PTH2R: variants seen among roughly 807,000 people sequenced by gnomAD.
PTH2R encodes the protein parathyroid hormone 2 receptor, also known as PTH2 receptor.
In PTH2R, 59 loss-of-function variants were observed where a neutral mutation model predicts 60.3. The observed-to-expected ratio is 0.98, with a 90% CI of 0.79 to 1.22. PTH2R has a LOEUF of 1.22. Among genes scored for constraint, PTH2R ranks in the 50% most tolerant of loss-of-function variants. The probability of loss-of-function intolerance (pLI) is 0.00; values close to 1 mark genes in which losing one functional copy is unlikely to be tolerated. For synonymous variants in PTH2R, 256 were observed against 243.8 expected (o/e 1.05, Z -0.47); for missense variants, 749 against 682.6 (o/e 1.10, Z -1.08).
chr2:208,488,798 G>C (rs1390302728), intron 10 of PTH2R, among the ~76,000 whole-genome samples: 1 of 152,176 alleles, frequency 6.6e-6, no homozygotes, highest in Non-Finnish European at 1.5e-5. Flanking sequence ...GATTGCTTGA[G>C]CTCAGGAGGT....
intron 1 of PTH2R, among the ~76,000 whole-genome samples, chr2:208,388,686 A>G (rs1440749531): frequency 2.6e-5 from 4 of 152,348 alleles, no homozygotes; most frequent in African/African-American, 9.6e-5. Flanking sequence ...GATAAGAATC[A>G]CTGTAAGGTT....
At chr2:208,401,400 A>G (rs979714715) in intron 1 of PTH2R, among the ~76,000 whole-genome samples, 6 of 151,694 alleles carry the variant, frequency 4.0e-5, no homozygotes, top group Admixed American at 2.6e-4. Context: ...TCCCACTACT[A>G]TCAACACTAG....
At chr2:208,451,864 C>T (rs528080759) in intron 8 of PTH2R, among the ~76,000 whole-genome samples, 1 of 152,042 alleles carries the variant, frequency 6.6e-6, no homozygotes, top group Non-Finnish European at 1.5e-5. Flanking sequence ...TCATGGTACA[C>T]CTAATACATT....
At position 208,437,741 on chromosome 2, in the gene PTH2R, A is replaced by G. The variant is rs774671697; in HGVS notation, c.290-19A>G. 11 of 1,608,434 alleles carry G rather than the reference A, an allele frequency of 6.8e-6. No homozygotes were observed. The highest frequency in any genetic ancestry group is 1.7e-4 in the Middle Eastern group (1 of 6,056). On this transcript the variant is annotated intron_variant, in intron 3 of 12. Transcript: ENST00000272847. ...TCTAAGGGAACTGAGCGATCTCAGCATCTTTCATGTCTTTACAGGAGTTGC... is the reference window on the plus strand; with the variant it reads ...TCTAAGGGAACTGAGCGATCTCAGCGTCTTTCATGTCTTTACAGGAGTTGC...
At chr2:208,465,388 CTTTTTTTTTTTTT>C (rs60871321) in intron 9 of PTH2R, among the ~76,000 whole-genome samples, 13 of 39,932 alleles carry the variant, frequency 3.3e-4, no homozygotes, top group Admixed American at 1.4e-3. Flanking sequence ...ATTTGTAAGT[CTTTTTTTTTTTTT>C]TTTTTTTTTT....
At chr2:208,480,755 T>C (rs1300913318) in intron 9 of PTH2R, among the ~76,000 whole-genome samples, 1 of 152,214 alleles carries the variant, frequency 6.6e-6, no homozygotes. Context: ...TACATTTATA[T>C]AATAACTATT....
intron 8 of PTH2R, among the ~76,000 whole-genome samples, chr2:208,458,671 C>T (rs1483888283): frequency 6.6e-6 from 1 of 152,112 alleles, no homozygotes; most frequent in South Asian, 2.1e-4. Context: ...TATCATTTAG[C>T]TTCCACTTAT....
chr2:208,362,152 T>C (rs760923156), intron 1 of PTH2R, among the ~76,000 whole-genome samples: 4 of 152,222 alleles, frequency 2.6e-5, no homozygotes, highest in Non-Finnish European at 5.9e-5. Flanking sequence ...CCAGAAGTTA[T>C]ACCAGTGGCT....
chr2:208,480,837 C>G (rs931291404), intron 9 of PTH2R, among the ~76,000 whole-genome samples: 9 of 152,318 alleles, frequency 5.9e-5, no homozygotes, highest in African/African-American at 2.2e-4. Flanking sequence ...TGGATCCCAG[C>G]AGATCATCCT....
At chr2:208,477,904 C>T (rs975859021) in intron 9 of PTH2R, among the ~76,000 whole-genome samples, 1 of 147,170 alleles carries the variant, frequency 6.8e-6, no homozygotes, top group African/African-American at 2.5e-5. Context: ...AGCACTACTA[C>T]TAGTACTAGC....
At chr2:208,446,283 C>G (rs1031132921) in intron 7 of PTH2R, among the ~76,000 whole-genome samples, 15 of 152,158 alleles carry the variant, frequency 9.9e-5, no homozygotes, top group African/African-American at 3.6e-4. Context: ...GTTTGTCCCA[C>G]CGAATCTCAG....
At chr2:208,428,171 A>G (rs748862155) in intron 1 of PTH2R, 30 bp from the exon 2 acceptor site, 2 of 1,525,092 alleles carry the variant, frequency 1.3e-6, no homozygotes, top group East Asian at 4.5e-5. Context: ...AAACATGATG[A>G]AAATGTTTGT....
chr2:208,465,103 G>A (rs1345447834), intron 9 of PTH2R, among the ~76,000 whole-genome samples: 2 of 150,592 alleles, frequency 1.3e-5, no homozygotes, highest in Non-Finnish European at 2.9e-5. Context: ...AGCCTCCTGA[G>A]TAACTAGGAC....
intron 1 of PTH2R, among the ~76,000 whole-genome samples, chr2:208,427,544 C>A (rs1418395358): frequency 6.6e-6 from 1 of 151,962 alleles, no homozygotes; most frequent in African/African-American, 2.4e-5. Flanking sequence ...GAATATAATC[C>A]AGAAATCTCC....
rs891716749 is a variant in PTH2R at position 208,455,240 on chromosome 2, C to T, written c.914+4431C>T. On this transcript the variant is annotated intron_variant, in intron 8 of 12. Transcript: ENST00000272847. Reference sequence around the variant, plus strand: ...GGGAAGTTGCATCAGTAAAGAGGTACTAATTAATGCTATCATGATCATATT... The same window carrying T: ...GGGAAGTTGCATCAGTAAAGAGGTATTAATTAATGCTATCATGATCATATT... 1.4e-4 allele frequency among the ~76,000 whole-genome samples: 22 copies of T among 152,124 alleles called. 1 individual carries two copies. The highest frequency in any genetic ancestry group is 2.9e-5 in the Non-Finnish European group (2 of 68,028).
At chr2:208,489,227 T>C in intron 11 of PTH2R, 77 bp downstream of exon 11, 1 of 1,562,866 alleles carries the variant, frequency 6.4e-7, no homozygotes, top group Admixed American at 1.7e-5. Context: ...AACCTTTTTC[T>C]CTGCACTCTC....
intron 1 of PTH2R, among the ~76,000 whole-genome samples, chr2:208,422,504 G>A (rs1278221896): frequency 6.6e-6 from 1 of 152,030 alleles, no homozygotes; most frequent in Non-Finnish European, 1.5e-5. Flanking sequence ...TCGTTAAGTA[G>A]ACTTCACTTT....
intron 9 of PTH2R, among the ~76,000 whole-genome samples, chr2:208,476,520 A>T (rs1445653623): frequency 6.6e-6 from 1 of 152,226 alleles, no homozygotes; most frequent in Non-Finnish European, 1.5e-5. Flanking sequence ...TTTGTGATAC[A>T]GATAATCAAA....
intron 2 of PTH2R, among the ~76,000 whole-genome samples, chr2:208,432,941 G>A (rs575542117): frequency 2.0e-4 from 30 of 152,240 alleles, no homozygotes; most frequent in African/African-American, 6.7e-4. Flanking sequence ...TAACTCAAAT[G>A]TCAGTCTCCT....
Sources: gnomAD v4.1 joint callset for allele counts (sites outside exome capture counted in the v4.1 genomes callset) on GRCh38, gnomAD v4.1.1 for gene constraint, MANE v1.5 for transcripts, NCBI Gene and HGNC (gene_info 2026-07-23, HGNC 2026-07-21) for gene names.